Variants in TMEM154 observed in about 807,000 individuals in gnomAD.
TMEM154 encodes transmembrane protein 154.
A neutral mutation model predicts 24.5 loss-of-function variants in TMEM154; 27 were observed. The observed-to-expected ratio is 1.10, with a 90% CI of 0.81 to 1.52. The LOEUF is 1.52. Among genes scored for constraint, TMEM154 ranks in the 40% most tolerant of loss-of-function variants. The pLI is 0.00. For missense variants in TMEM154, 228 were observed against 213.4 expected (o/e 1.07, Z -0.43); for synonymous variants, 67 against 76.8 (o/e 0.87, Z 0.67).
At chr4:152,660,713 A>C (rs984478516) in intron 1 of TMEM154, among the ~76,000 whole-genome samples, 2 of 152,194 alleles carry the variant, frequency 1.3e-5, no homozygotes, top group Non-Finnish European at 2.9e-5. Flanking sequence ...TTGGCCATAA[A>C]GTGGTGAATG....
intron 6 of TMEM154, among the ~76,000 whole-genome samples, chr4:152,639,396 A>C (rs1752209907): frequency 6.6e-6 from 1 of 152,232 alleles, no homozygotes; most frequent in South Asian, 2.1e-4. Context: ...GTTGCTCATC[A>C]GTGATAGAGT....
intron 3 of TMEM154, 98 bp from the exon 4 acceptor site, chr4:152,644,540 A>T: frequency 8.4e-7 from 1 of 1,184,438 alleles, no homozygotes; most frequent in Non-Finnish European, 1.3e-6. Context: ...AAGAGAGCAA[A>T]ATGACATTAA....
Position 152,627,844 on chromosome 4 carries a change from T to C in TMEM154, c.*702A>G, listed in dbSNP as rs570907393. On this transcript the variant is annotated 3_prime_UTR_variant, in exon 7 of 7. Transcript: ENST00000304385. Reference sequence around the variant, plus strand: ...CTGAGGAGAACATTAGTTCTTTCACTGAAGATTCCTAGTTTCTCTGAGAAG... The same window carrying C: ...CTGAGGAGAACATTAGTTCTTTCACCGAAGATTCCTAGTTTCTCTGAGAAG... 5 of 152,368 alleles carry C rather than the reference T, an allele frequency of 3.3e-5. No homozygotes were observed. Among genetic ancestry groups the C allele is most frequent in the African/African-American group, 1.2e-4 (5 of 41,578 alleles). The allele number at this position is 152,368 out of a possible 1,614,324, so 9.4% of individuals were successfully genotyped here. A position where few individuals can be genotyped will look rare whatever the true frequency, so the allele number is the denominator to read the frequency against.
intron 1 of TMEM154, chr4:152,668,576 T>G (rs1424490012): frequency 1.3e-5 from 2 of 152,088 alleles, no homozygotes; most frequent in Non-Finnish European, 2.9e-5. Flanking sequence ...CACTCCTTGC[T>G]CGGCTCAGCA....
At chr4:152,628,835 C>T (rs1229542669) in intron 6 of TMEM154, among the ~76,000 whole-genome samples, 21 of 149,834 alleles carry the variant, frequency 1.4e-4, no homozygotes, top group South Asian at 4.2e-4. Flanking sequence ...TTAGTAGAGG[C>T]GGGGTTTCAC....
At chr4:152,667,279 G>A (rs1173881355) in intron 1 of TMEM154, among the ~76,000 whole-genome samples, 1 of 152,176 alleles carries the variant, frequency 6.6e-6, no homozygotes, top group Non-Finnish European at 1.5e-5. Context: ...TACATACACG[G>A]TGTATCTCTA....
At chr4:152,630,023 G>A (rs1752004444) in intron 6 of TMEM154, among the ~76,000 whole-genome samples, 1 of 152,010 alleles carries the variant, frequency 6.6e-6, no homozygotes, top group Non-Finnish European at 1.5e-5. Context: ...TGAACAAAAG[G>A]ACAAACTAGG....
In TMEM154 at chr4:152,620,775, A is replaced by G. The variant is rs1450464988; in HGVS notation, c.*7771T>C. On this transcript the variant is annotated 3_prime_UTR_variant, in exon 7 of 7. Transcript: ENST00000304385. ...CTCGGCCTCCCAAAGTGGTGGGATT[A>G]CAGGTGTGAGCCACTGCACCCCGCC... 2 of 152,262 alleles carry G rather than the reference A, an allele frequency of 1.3e-5. No individual in the cohort carries two copies. The highest frequency in any genetic ancestry group is 3.8e-4 in the East Asian group (2 of 5,196). The allele number at this position is 152,262 out of a possible 1,614,324, so 9.4% of individuals were successfully genotyped here. A position where few individuals can be genotyped will look rare whatever the true frequency, so the allele number is the denominator to read the frequency against.
chr4:152,632,140 GT>G (rs750874044), intron 6 of TMEM154, among the ~76,000 whole-genome samples: 4 of 152,048 alleles, frequency 2.6e-5, no homozygotes, highest in Non-Finnish European at 5.9e-5. Context: ...TTTCTGACTT[GT>G]GTGTCATGCT....
In TMEM154 at chr4:152,624,827, A is replaced by G. The variant is rs1021464753; in HGVS notation, c.*3719T>C. The G allele has an allele frequency of 2.0e-5, 3 of 152,262 alleles. No individual in the cohort carries two copies. The highest frequency in any genetic ancestry group is 2.9e-5 in the Non-Finnish European group (2 of 68,046). 9.4% of individuals were successfully genotyped at this position (152,262 alleles called of 1,614,324 possible). On this transcript the variant is annotated 3_prime_UTR_variant, in exon 7 of 7. Coordinates refer to ENST00000304385, the MANE Select transcript of TMEM154 (RefSeq NM_152680.3). ...TTTTGGTCATTGTCACATAGCAGAA[A>G]TGCTGCTATATGTGAAGTTGTTCTG...
At position 152,628,398 on chromosome 4, in the gene TMEM154, A is replaced by T; in HGVS notation, c.*148T>A. ...TGCAAGTGATGCCATCATTAGGAAGAGTGGGCGTTGGAAGAAACAGCAAAA... is the reference window on the plus strand; with the variant it reads ...TGCAAGTGATGCCATCATTAGGAAGTGTGGGCGTTGGAAGAAACAGCAAAA... On this transcript the variant is annotated 3_prime_UTR_variant, in exon 7 of 7. Coordinates refer to ENST00000304385, the MANE Select transcript of TMEM154 (RefSeq NM_152680.3). 1 of 1,281,770 alleles carries T rather than the reference A, an allele frequency of 7.8e-7. No homozygotes were observed. Among genetic ancestry groups the T allele is most frequent in the Non-Finnish European group, 1.1e-6 (1 of 895,246 alleles). 79.4% of individuals were successfully genotyped at this position (1,281,770 alleles called of 1,614,324 possible).
rs1294075614 is a variant in TMEM154, at chr4:152,628,431, G to T, written c.*115C>A. The T allele has an allele frequency of 3.3e-6, 5 of 1,521,896 alleles. No homozygotes were observed. Among genetic ancestry groups the T allele is most frequent in the African/African-American group, 1.4e-5 (1 of 71,774 alleles). 94.3% of individuals were successfully genotyped at this position (1,521,896 alleles called of 1,614,324 possible). A position where few individuals can be genotyped will look rare whatever the true frequency, so the allele number is the denominator to read the frequency against. On this transcript the variant is annotated 3_prime_UTR_variant, in exon 7 of 7. Transcript: ENST00000304385. ...TTGGAAGAAACAGCAAAAGGTTCTT[G>T]TGTCTATGTTGATTTGAAATTAATT...
intron 1 of TMEM154, among the ~76,000 whole-genome samples, chr4:152,659,431 T>C (rs184556134): frequency 1.4e-4 from 21 of 152,258 alleles, no homozygotes; most frequent in Non-Finnish European, 1.9e-4. Context: ...TTAGACAGTA[T>C]AAATTATAAT....
chr4:152,673,853 A>G (rs1246082284), intron 1 of TMEM154, among the ~76,000 whole-genome samples: 2 of 152,080 alleles, frequency 1.3e-5, no homozygotes, highest in Non-Finnish European at 2.9e-5. Context: ...AAACAATGCT[A>G]TCATCAACAA....
At chr4:152,661,342 C>A (rs1430139303) in intron 1 of TMEM154, among the ~76,000 whole-genome samples, 1 of 136,856 alleles carries the variant, frequency 7.3e-6, no homozygotes, top group South Asian at 2.4e-4. Context: ...CTCTCTCTCT[C>A]CCCCCAACTC....
At chr4:152,679,269 A>G (rs1348313688) in intron 1 of TMEM154, among the ~76,000 whole-genome samples, 1 of 152,096 alleles carries the variant, frequency 6.6e-6, no homozygotes, top group East Asian at 1.9e-4. Context: ...AATCTGTAAA[A>G]GTAACAAGGT....
chr4:152,619,362 G>A lies in TMEM154; in HGVS notation c.*9184C>T, dbSNP rs987004090. Reference sequence around the variant, plus strand: ...ACGAAACTACCTAATATATTTCCTCGATATTGCATGAAGACACACCAATTT... The same window carrying A: ...ACGAAACTACCTAATATATTTCCTCAATATTGCATGAAGACACACCAATTT... On this transcript the variant is annotated 3_prime_UTR_variant, in exon 7 of 7. Transcript: ENST00000304385. The A allele has an allele frequency of 8.5e-5, 13 of 152,126 alleles. No homozygotes were observed. Among genetic ancestry groups the A allele is most frequent in the African/African-American group, 2.9e-4 (12 of 41,420 alleles). The allele number at this position is 152,126 out of a possible 1,614,324, so 9.4% of individuals were successfully genotyped here. A position where few individuals can be genotyped will look rare whatever the true frequency, so the allele number is the denominator to read the frequency against.
At chr4:152,642,757 G>C (rs1230275618) in intron 5 of TMEM154, among the ~76,000 whole-genome samples, 1 of 152,142 alleles carries the variant, frequency 6.6e-6, no homozygotes, top group African/African-American at 2.4e-5. Flanking sequence ...TAAAATTGTA[G>C]ATCTTTAAAT....
chr4:152,657,636 C>A (rs1338143924), intron 1 of TMEM154, among the ~76,000 whole-genome samples: 1 of 152,202 alleles, frequency 6.6e-6, no homozygotes, highest in African/African-American at 2.4e-5. Flanking sequence ...TATAATTCAA[C>A]AAAGGACTTC....
Sources: gnomAD v4.1 joint callset for allele counts (sites outside exome capture counted in the v4.1 genomes callset) on GRCh38, gnomAD v4.1.1 for gene constraint, MANE v1.5 for transcripts, NCBI Gene and HGNC (gene_info 2026-07-23, HGNC 2026-07-21) for gene names.